The following TMEM117 variants were observed in gnomAD, a reference collection of about 807,000 sequenced individuals.
TMEM117 encodes transmembrane protein 117.
Under a neutral mutation model 52.4 loss-of-function variants are expected in TMEM117, and 27 were observed. The ratio of observed to expected loss-of-function variants is 0.51; its 90% CI spans 0.38 to 0.71. TMEM117 has a LOEUF of 0.71. Among genes scored for constraint, TMEM117 ranks in the 30% least tolerant of loss-of-function variants. The pLI, the probability that TMEM117 is intolerant of heterozygous loss-of-function variation, is 0.00. For missense variants in TMEM117, 556 were observed against 630.5 expected, an observed-to-expected ratio of 0.88 and a Z score of 1.26; for synonymous variants, 215 against 206.3, an observed-to-expected ratio of 1.04 and a Z score of -0.36.
chr12:43,900,294 A>C (rs17093848), intron 2 of TMEM117, among the ~76,000 whole-genome samples: 1 of 152,170 alleles, frequency 6.6e-6, no homozygotes, highest in Non-Finnish European at 1.5e-5. Flanking sequence ...CATTACCCAG[A>C]GGTAGTTTAG....
chr12:44,108,045 G>T (rs554054280), intron 3 of TMEM117, among the ~76,000 whole-genome samples: 1 of 151,992 alleles, frequency 6.6e-6, no homozygotes, highest in Non-Finnish European at 1.5e-5. Flanking sequence ...ATACTTTTTA[G>T]TAAAATGAGT....
rs192157691 is a variant in TMEM117, at chr12:44,079,951, C to G, written c.411-63574C>G. ...GAGGATCACTTGAACCCGGGGGGCA[C>G]AGGTTGTAGTGCACCGAGATGATGG... On this transcript the variant is annotated intron_variant, in intron 3 of 7. Coordinates refer to ENST00000266534, the MANE Select transcript of TMEM117 (RefSeq NM_032256.3). 2.5e-3 allele frequency among the ~76,000 whole-genome samples: 350 copies of G among 140,976 alleles called. 5 individuals are homozygous for G. The highest frequency in any genetic ancestry group is 8.9e-3 in the African/African-American group (334 of 37,704). The allele number at this position is 140,976 out of a possible 152,430, so 92.5% of individuals were successfully genotyped here. A position where few individuals can be genotyped will look rare whatever the true frequency, so the allele number is the denominator to read the frequency against.
At chr12:44,081,319 A>T (rs559478479) in intron 3 of TMEM117, among the ~76,000 whole-genome samples, 3 of 152,312 alleles carry the variant, frequency 2.0e-5, no homozygotes, top group African/African-American at 7.2e-5. Context: ...TTTGAAAATG[A>T]TACAGTTGTG....
At position 44,376,710 on chromosome 12, in the gene TMEM117, G is replaced by A. The variant is rs771087555; in HGVS notation, c.884G>A (p.Arg295His). ...FFQKIFKEEY[R>H]IHITGKWFNY... ...CAGAAAATCTTCAAGGAGGAATATC[G>A]TATTCACATAACAGGTGTGTTATAT... The change falls in exon 7 of 8, where the codon CGT becomes CAT. Residue 295 changes from arginine (R) to histidine (H), a missense_variant. Around this residue, in one of 3 missense-constraint regions of TMEM117, gnomAD observed 328 missense variants for 371.4 expected, o/e 0.88. Transcript: ENST00000266534. 1.3e-5 allele frequency: 21 copies of A among 1,608,522 alleles called. No individual in the cohort carries two copies. Among genetic ancestry groups the A allele is most frequent in the Admixed American group, 1.7e-5 (1 of 58,858 alleles).
rs745462045 is a variant in TMEM117 at position 44,381,431 on chromosome 12, C to T, written c.898+4707C>T. Among the ~76,000 whole-genome samples, 42 of 152,122 alleles carry T rather than the reference C, an allele frequency of 2.8e-4. 1 individual carries two copies. Among genetic ancestry groups the T allele is most frequent in the Non-Finnish European group, 5.4e-4 (37 of 68,014 alleles). ...GAGGAATGGCCTCTCAATTCAGTCTCGGAAGCTCCTCTGAGTCCTATTAAT... is the reference window on the plus strand; with the variant it reads ...GAGGAATGGCCTCTCAATTCAGTCTTGGAAGCTCCTCTGAGTCCTATTAAT... On this transcript the variant is annotated intron_variant, in intron 7 of 7. Coordinates refer to ENST00000266534, the MANE Select transcript of TMEM117 (RefSeq NM_032256.3).
Position 44,311,877 on chromosome 12 carries a change from GTATATA to G in TMEM117, c.768+12140_768+12145del, listed in dbSNP as rs1176676325. ...TATATGTATATATATGTATATATATGTATATATGTATATATATGTGTATATATATAT... is the reference window on the plus strand; with the variant it reads ...TATATGTATATATATGTATATATATGTGTATATATATGTGTATATATATAT... On this transcript the variant is annotated intron_variant, in intron 6 of 7. Coordinates refer to ENST00000266534, the MANE Select transcript of TMEM117 (RefSeq NM_032256.3). 2.4e-4 allele frequency among the ~76,000 whole-genome samples: 27 copies of G among 112,778 alleles called. 2 individuals carry two copies. The highest frequency in any genetic ancestry group is 2.1e-3 in the South Asian group (8 of 3,898). The allele number at this position is 112,778 out of a possible 152,430, so 74.0% of individuals were successfully genotyped here.
intron 4 of TMEM117, among the ~76,000 whole-genome samples, chr12:44,210,819 A>G (rs1949635720): frequency 6.6e-6 from 1 of 152,152 alleles, no homozygotes; most frequent in African/African-American, 2.4e-5. Context: ...TAATTAGAAT[A>G]AATATGCTGT....
At chr12:44,381,035 T>C (rs998865146) in intron 7 of TMEM117, among the ~76,000 whole-genome samples, 4 of 152,208 alleles carry the variant, frequency 2.6e-5, no homozygotes, top group Admixed American at 6.5e-5. Flanking sequence ...GTTTTATTTA[T>C]GCATGTCAGA....
intron 2 of TMEM117, among the ~76,000 whole-genome samples, chr12:43,853,174 A>C (rs1184438541): frequency 6.6e-6 from 1 of 152,190 alleles, no homozygotes. Flanking sequence ...CTTACCTTTT[A>C]ATTTTCAGTG....
chr12:44,213,009 C>G (rs1294323128), intron 5 of TMEM117, among the ~76,000 whole-genome samples: 1 of 152,040 alleles, frequency 6.6e-6, no homozygotes, highest in Non-Finnish European at 1.5e-5. Context: ...TGTATTCACA[C>G]CTCATCTTCA....
the TMEM117 span, chr12:43,797,867 A>C: frequency 6.2e-7 from 1 of 1,604,432 alleles, no homozygotes; most frequent in Non-Finnish European, 8.5e-7. Context: ...CAAGTTTAGC[A>C]GTTAGCAGTA....
chr12:44,147,284 G>A (rs1006471319), intron 4 of TMEM117, among the ~76,000 whole-genome samples: 5 of 152,024 alleles, frequency 3.3e-5, no homozygotes, highest in African/African-American at 1.2e-4. Flanking sequence ...GTATCCACCC[G>A]TGCACTGTGC....
At chr12:43,938,889 A>G (rs1944997366) in intron 2 of TMEM117, among the ~76,000 whole-genome samples, 1 of 151,886 alleles carries the variant, frequency 6.6e-6, no homozygotes, top group Non-Finnish European at 1.5e-5. Context: ...AATCCCAGCT[A>G]CTCGGGAGGC....
rs199590324 is a variant in TMEM117, at chr12:44,226,501, A to G, written c.608+15114A>G. On this transcript the variant is annotated intron_variant, in intron 5 of 7. Transcript: ENST00000266534. The stretch of plus-strand genomic sequence containing the variant: ...ATAAACTATAAATATAAATATATAT[A>G]TGTGTGTGTGTGTGTGTGTGTGTAC... Among the ~76,000 whole-genome samples, 503 of 149,278 alleles carry G rather than the reference A, an allele frequency of 3.4e-3. 10 individuals are homozygous for G. In the East Asian group the frequency reaches 0.034, roughly 10 times the overall value.
intron 6 of TMEM117, among the ~76,000 whole-genome samples, chr12:44,364,714 GTTTGT>G (rs1951766776): frequency 6.6e-6 from 1 of 152,002 alleles, no homozygotes; most frequent in South Asian, 2.1e-4. Context: ...AGATAAAATA[GTTTGT>G]TAGGTTTCTA....
intron 2 of TMEM117, among the ~76,000 whole-genome samples, chr12:43,862,687 G>C (rs1455790920): frequency 2.6e-5 from 4 of 152,186 alleles, no homozygotes; most frequent in African/African-American, 7.2e-5. Flanking sequence ...GGAGTGCAGA[G>C]GATACTCTAA....
At chr12:44,390,459 A>G (rs1474563332), downstream of TMEM117, among the ~76,000 whole-genome samples, 1 of 152,156 alleles carries the variant, frequency 6.6e-6, no homozygotes, top group Non-Finnish European at 1.5e-5. Context: ...TTTAGAAAGT[A>G]GACGTTTATT....
chr12:44,358,190 C>G (rs1032324581), intron 6 of TMEM117, among the ~76,000 whole-genome samples: 5 of 151,862 alleles, frequency 3.3e-5, no homozygotes, highest in African/African-American at 4.8e-5. Context: ...GGGAGGCAGT[C>G]AAAGGTTGAA....
chr12:43,924,911 TATATCAGCCAG>T (rs1238350071), intron 2 of TMEM117, among the ~76,000 whole-genome samples: 2 of 152,164 alleles, frequency 1.3e-5, no homozygotes, highest in African/African-American at 4.8e-5. Context: ...TTGTTGTGAC[TATATCAGCCAG>T]AGCTATAGTC....
Sources: gnomAD v4.1 joint callset for allele counts (sites outside exome capture counted in the v4.1 genomes callset) on GRCh38, gnomAD v4.1.1 for gene constraint, gnomAD v4.1.1 regional missense constraint, MANE v1.5 for transcripts, NCBI Gene and HGNC (gene_info 2026-07-23, HGNC 2026-07-21) for gene names.